The following PDE5A variants were observed in gnomAD, a reference collection of about 807,000 sequenced individuals.
PDE5A encodes the protein phosphodiesterase 5A.
In PDE5A, 67 loss-of-function variants were observed where a neutral mutation model predicts 110.2. That is an observed-to-expected ratio of 0.61 (90% CI 0.50 to 0.75). PDE5A has a LOEUF of 0.75. Among genes scored for constraint, PDE5A ranks in the 30% least tolerant of loss-of-function variants. PDE5A has a pLI of 0.00. For synonymous variants in PDE5A, 328 were observed against 351.2 expected (o/e 0.93, Z 0.74); for missense variants, 862 against 1,045.1 (o/e 0.82, Z 2.42).
chr4:119,628,553 A>T lies in PDE5A; in HGVS notation c.119T>A (p.Phe40Tyr). 3 of 1,602,236 alleles carry T rather than the reference A, an allele frequency of 1.9e-6. No individual in the cohort carries two copies. Among genetic ancestry groups the T allele is most frequent in the Non-Finnish European group, 2.6e-6 (3 of 1,171,816 alleles). ...VEAWLDDHWD[F>Y]TFSYFVRKAT... ...TTTTCTAACAAAGTATGAGAAGGTA[A>T]AGTCCCAGTGATCGTCCAGCCATGC... is the stretch of plus-strand genomic sequence containing the variant. The change falls in exon 1 of 21, where the codon TTT becomes TAT. Residue 40 changes from phenylalanine to tyrosine, a missense_variant. Transcript: ENST00000354960.
At chr4:119,578,289 T>TC (rs1728447362) in intron 3 of PDE5A, among the ~76,000 whole-genome samples, 1 of 152,034 alleles carries the variant, frequency 6.6e-6, no homozygotes, top group Admixed American at 6.6e-5. Flanking sequence ...TTCAATGCCA[T>TC]CCCCATCAAG....
At chr4:119,609,443 T>C (rs1729666323) in intron 1 of PDE5A, among the ~76,000 whole-genome samples, 1 of 152,194 alleles carries the variant, frequency 6.6e-6, no homozygotes, top group South Asian at 2.1e-4. Context: ...AAACAGAAGA[T>C]GTAAAAGAGT....
chr4:119,529,390 C>T (rs890215719), intron 11 of PDE5A, among the ~76,000 whole-genome samples: 2 of 152,086 alleles, frequency 1.3e-5, no homozygotes, highest in Non-Finnish European at 2.9e-5. Flanking sequence ...CTTCATCTTC[C>T]GAAGAGGCTA....
At chr4:119,553,529 TC>T (rs1402189802) in intron 8 of PDE5A, 108 bp downstream of exon 8, 4 of 726,048 alleles carry the variant, frequency 5.5e-6, no homozygotes, top group Non-Finnish European at 1.0e-5. Flanking sequence ...CACAGATCAT[TC>T]CTAAACAGTC....
At chr4:119,576,036 C>T (rs1230656700) in intron 3 of PDE5A, among the ~76,000 whole-genome samples, 5 of 152,100 alleles carry the variant, frequency 3.3e-5, no homozygotes, top group Non-Finnish European at 5.9e-5. Flanking sequence ...GGGTTGCAAT[C>T]GTAGTCTCTG....
chr4:119,511,311 A>G (rs1725735333), intron 14 of PDE5A, among the ~76,000 whole-genome samples, 177 bp from the exon 15 acceptor site: 1 of 152,110 alleles, frequency 6.6e-6, no homozygotes, highest in African/African-American at 2.4e-5. Context: ...AACAAATACA[A>G]AGAGTCAAAT....
chr4:119,544,868 C>T (rs1051795429), intron 9 of PDE5A, among the ~76,000 whole-genome samples: 3 of 151,998 alleles, frequency 2.0e-5, no homozygotes, highest in Non-Finnish European at 2.9e-5. Context: ...TGGAATTGCC[C>T]GCAAGTCCTT....
chr4:119,589,464 C>T (rs1728885191), intron 3 of PDE5A, among the ~76,000 whole-genome samples: 2 of 70,776 alleles, frequency 2.8e-5, no homozygotes, highest in African/African-American at 4.6e-5. Context: ...CTCTGTAATT[C>T]TTTACTAAAC....
intron 11 of PDE5A, among the ~76,000 whole-genome samples, chr4:119,531,402 C>G (rs1197559982): frequency 6.6e-6 from 1 of 152,144 alleles, no homozygotes; most frequent in Non-Finnish European, 1.5e-5. Flanking sequence ...CCTCAGCATC[C>G]TGAGTAGCTG....
chr4:119,499,015 A>AG (rs1725194812), intron 20 of PDE5A, among the ~76,000 whole-genome samples: 1 of 152,176 alleles, frequency 6.6e-6, no homozygotes, highest in African/African-American at 2.4e-5. Flanking sequence ...ATCCACTTTT[A>AG]GGGGAAAAAA....
chr4:119,550,605 T>A (rs1727314776), intron 9 of PDE5A, among the ~76,000 whole-genome samples: 1 of 152,118 alleles, frequency 6.6e-6, no homozygotes, highest in African/African-American at 2.4e-5. Context: ...CTCCAGCCAC[T>A]CCCCGTTCCC....
At chr4:119,500,372 A>T (rs1725259593) in intron 20 of PDE5A, 1 of 150,134 alleles carries the variant, frequency 6.7e-6, no homozygotes, top group African/African-American at 2.5e-5. Context: ...CTGGAGTAGG[A>T]GTGAGAACTG....
chr4:119,559,129 G>A (rs1727651327), intron 7 of PDE5A, among the ~76,000 whole-genome samples: 1 of 151,954 alleles, frequency 6.6e-6, no homozygotes, highest in Non-Finnish European at 1.5e-5. Context: ...ATCAATAAGT[G>A]GAAAGATCCT....
chr4:119,561,351 T>C (rs1727740093), intron 6 of PDE5A, among the ~76,000 whole-genome samples: 1 of 152,208 alleles, frequency 6.6e-6, no homozygotes, highest in Non-Finnish European at 1.5e-5. Context: ...TACAAATGAA[T>C]ATAAAGTCAC....
At chr4:119,586,518 G>A (rs903265514) in intron 3 of PDE5A, among the ~76,000 whole-genome samples, 5 of 152,128 alleles carry the variant, frequency 3.3e-5, no homozygotes, top group Admixed American at 3.3e-4. Context: ...CATATCTATT[G>A]AGAGCAGCAA....
At chr4:119,531,648 T>C (rs1726547324) in intron 11 of PDE5A, among the ~76,000 whole-genome samples, 1 of 152,070 alleles carries the variant, frequency 6.6e-6, no homozygotes, top group Non-Finnish European at 1.5e-5. Flanking sequence ...TGGAACATCA[T>C]AGGAACATAA....
At chr4:119,514,826 C>T (rs1725857232) in intron 14 of PDE5A, among the ~76,000 whole-genome samples, 1 of 152,124 alleles carries the variant, frequency 6.6e-6, no homozygotes, top group African/African-American at 2.4e-5. Context: ...TATTTATACC[C>T]CTTTAATCCT....
At chr4:119,546,112 C>T (rs1378701704) in intron 9 of PDE5A, among the ~76,000 whole-genome samples, 2 of 152,058 alleles carry the variant, frequency 1.3e-5, no homozygotes, top group Non-Finnish European at 2.9e-5. Flanking sequence ...TATAATCCCA[C>T]TTAATTTTTC....
At chr4:119,592,805 G>A (rs537298200) in intron 3 of PDE5A, among the ~76,000 whole-genome samples, 1 of 152,208 alleles carries the variant, frequency 6.6e-6, no homozygotes, top group East Asian at 1.9e-4. Context: ...TAGTGTAAGA[G>A]TCCAAGGCTC....
Sources: allele counts gnomAD v4.1 joint callset (sites outside exome capture counted in the v4.1 genomes callset), GRCh38; gene constraint gnomAD v4.1.1; transcripts MANE v1.5; gene names NCBI Gene and HGNC (gene_info 2026-07-23, HGNC 2026-07-21).